BTBD16: variants seen among roughly 807,000 people sequenced by gnomAD.
BTBD16 encodes the protein BTB domain containing 16.
In BTBD16, 66 loss-of-function variants were observed where a neutral mutation model predicts 67.4. The observed-to-expected ratio is 0.98, with a 90% CI of 0.80 to 1.20. BTBD16 has a LOEUF of 1.20. BTBD16 is among the 50% of genes most tolerant of loss of function. The probability of loss-of-function intolerance (pLI) is 0.00; values close to 1 mark genes in which losing one functional copy is unlikely to be tolerated. For missense variants in BTBD16, 634 were observed against 616.0 expected, an observed-to-expected ratio of 1.03 and a Z score of -0.31; for synonymous variants, 242 against 236.4, an observed-to-expected ratio of 1.02 and a Z score of -0.22.
Position 122,336,536 on chromosome 10 carries a change from G to A in BTBD16, c.1306G>A (p.Glu436Lys), listed in dbSNP as rs1001364113. The A allele has an allele frequency of 3.7e-6, 6 of 1,612,180 alleles. No homozygotes were observed. The highest frequency in any genetic ancestry group is 1.6e-4 in the Middle Eastern group (1 of 6,080). Residue 436 changes from glutamate (E) to lysine (K), a missense_variant, in exon 15 of 16, where the codon GAG (glutamate) becomes AAG (lysine). Physicochemically the swap from Glu to Lys is moderately conservative, Grantham distance 56. Transcript: ENST00000260723. ...CCTGGAATCTCCCTCTGCGGTCTAC[G>A]AGCACAACCACGTCAGCCTGCGAGC... ...TDLESPSAVY[E>K]HNHVSLRAAR...
chr10:122,336,376 TG>T (rs2096463220), intron 14 of BTBD16, 117 bp from the exon 15 acceptor site: 2 of 855,052 alleles, frequency 2.3e-6, no homozygotes, highest in Non-Finnish European at 3.4e-6. Context: ...AATTGGGAAA[TG>T]CCCTCTTGCT....
In BTBD16 at chr10:122,287,578, G is replaced by C. The variant is rs12416151; in HGVS notation, c.385+1330G>C. ...AGTTCCATGGACCGATCAAGCCATGGGATTCACGTCTTTCAATAGGAACAG... is the reference window on the plus strand; with the variant it reads ...AGTTCCATGGACCGATCAAGCCATGCGATTCACGTCTTTCAATAGGAACAG... On this transcript the variant is annotated intron_variant, in intron 5 of 15. Transcript: ENST00000260723. 4.6e-3 allele frequency: 3,031 copies of C among 655,704 alleles called. 87 individuals are homozygous for C. The African/African-American group carries it at 0.054, about 12-fold the overall frequency. The allele number at this position is 655,704 out of a possible 1,614,324, so 40.6% of individuals were successfully genotyped here.
intron 2 of BTBD16, 113 bp downstream of exon 2, chr10:122,275,212 A>G (rs2096337907): frequency 2.9e-6 from 3 of 1,043,918 alleles, no homozygotes; most frequent in Admixed American, 3.7e-5. Context: ...GACCTCAAGC[A>G]TTATTGGCTG....
chr10:122,272,086 C>A (rs1358981495), intron 1 of BTBD16, among the ~76,000 whole-genome samples: 1 of 152,146 alleles, frequency 6.6e-6, no homozygotes. Context: ...AGTTCATCAT[C>A]CTGGCTCCTG....
rs552106416 is a variant in BTBD16, at chr10:122,307,459, G to A, written c.911+151G>A. 9 of 762,880 alleles carry A rather than the reference G, an allele frequency of 1.2e-5. No homozygotes were observed. In the South Asian group the frequency reaches 2.2e-4, roughly 19 times the overall value. 47.3% of individuals were successfully genotyped at this position (762,880 alleles called of 1,614,324 possible). A position where few individuals can be genotyped will look rare whatever the true frequency, so the allele number is the denominator to read the frequency against. ...TTTTTTAATAGGGCCTAAGATTATA[G>A]GATGCTTTCAAACCACCAAATTACC... On this transcript the variant is annotated intron_variant, in intron 10 of 15. Coordinates refer to ENST00000260723, the MANE Select transcript of BTBD16 (RefSeq NM_144587.5).
Position 122,299,097 on chromosome 10 carries a change from C to G in BTBD16, c.754C>G (p.Pro252Ala), listed in dbSNP as rs576366358. The change falls in exon 9 of 16, where the codon CCA becomes GCA. Residue 252 changes from proline to alanine, a missense_variant. Transcript: ENST00000260723. ...GACGCAGATCCACCTCCACAAAATC[C>G]CACAGGACCTGCTCCACAAAGTGCT... ...GGTQIHLHKI[P>A]QDLLHKVLKS... 1 of 1,614,004 alleles carries G rather than the reference C, an allele frequency of 6.2e-7. No homozygotes were observed. The highest frequency in any genetic ancestry group is 1.7e-5 in the Admixed American group (1 of 59,990).
At chr10:122,331,442 C>A in intron 12 of BTBD16, 184 bp downstream of exon 12, 2 of 554,768 alleles carry the variant, frequency 3.6e-6, no homozygotes, top group Non-Finnish European at 4.6e-6. Flanking sequence ...GGAGACCCAG[C>A]CTTGGAATCC....
chr10:122,277,049 C>G, intron 3 of BTBD16, 110 bp downstream of exon 3: 1 of 1,303,934 alleles, frequency 7.7e-7, no homozygotes, highest in Non-Finnish European at 1.0e-6. Flanking sequence ...AAGGGCACAT[C>G]TGCAAGGAAG....
intron 1 of BTBD16, among the ~76,000 whole-genome samples, chr10:122,272,424 C>T (rs540483110): frequency 1.7e-4 from 26 of 152,332 alleles, no homozygotes; most frequent in Admixed American, 1.6e-3. Context: ...TCACTGCAAC[C>T]TCCACCTCCA....
intron 7 of BTBD16, chr10:122,295,333 C>G: frequency 1.0e-6 from 1 of 985,378 alleles, no homozygotes; most frequent in East Asian, 1.1e-4. Flanking sequence ...CAGGGTGGAG[C>G]AGCATCAAAC....
chr10:122,328,911 C>T (rs2096450092), intron 10 of BTBD16: 1 of 812,756 alleles, frequency 1.2e-6, no homozygotes, highest in African/African-American at 1.9e-5. Context: ...GATCCTGAAA[C>T]CAGCTGCTAA....
At position 122,297,833 on chromosome 10, in the gene BTBD16, G is replaced by A. The variant is rs2096386276; in HGVS notation, c.656G>A (p.Cys219Tyr). 1 of 1,613,972 alleles carries A rather than the reference G, an allele frequency of 6.2e-7. No individual in the cohort carries two copies. The highest frequency in any genetic ancestry group is 1.7e-5 in the Admixed American group (1 of 60,010). ...ATCAAGAAATTCTACGAGGCCGGCT[G>A]CAAGGTGAGAACAACCCAGACGGGG... ...STIKKFYEAG[C>Y]KYKEEQLTTG... The change falls in exon 8 of 16, where the codon TGC becomes TAC. Residue 219 changes from cysteine (C) to tyrosine (Y), a missense_variant. Physicochemically the swap from Cys to Tyr is radical, Grantham distance 194 (BLOSUM62 -2). Coordinates refer to ENST00000260723, the MANE Select transcript of BTBD16 (RefSeq NM_144587.5).
intron 6 of BTBD16, 101 bp downstream of exon 6, chr10:122,290,099 T>A: frequency 1.3e-6 from 1 of 783,848 alleles, no homozygotes; most frequent in Non-Finnish European, 2.1e-6. Context: ...AAACCAACAG[T>A]AGACAGTGTT....
chr10:122,314,869 T>A (rs1225435570), intron 10 of BTBD16, among the ~76,000 whole-genome samples: 6 of 152,194 alleles, frequency 3.9e-5, no homozygotes, highest in African/African-American at 1.4e-4. Flanking sequence ...TTGCACTAGG[T>A]AGACTCTCCA....
intron 3 of BTBD16, among the ~76,000 whole-genome samples, chr10:122,280,413 A>G (rs1314576359): frequency 6.6e-6 from 1 of 152,072 alleles, no homozygotes; most frequent in East Asian, 1.9e-4. Flanking sequence ...TTGTGGCCCT[A>G]GGAAAGACCC....
At chr10:122,329,897 C>T (rs896341597) in intron 11 of BTBD16, among the ~76,000 whole-genome samples, 5 of 152,176 alleles carry the variant, frequency 3.3e-5, no homozygotes, top group Non-Finnish European at 7.3e-5. Context: ...TGCTTCACTT[C>T]TAGGCCCCTT....
chr10:122,318,250 C>T (rs893489380), intron 10 of BTBD16, among the ~76,000 whole-genome samples: 2 of 152,094 alleles, frequency 1.3e-5, no homozygotes, highest in African/African-American at 4.8e-5. Context: ...GTCTGTACTC[C>T]TTTTTTTCTG....
At chr10:122,289,822 T>C in intron 5 of BTBD16, 87 bp from the exon 6 acceptor site, 1 of 796,636 alleles carries the variant, frequency 1.3e-6, no homozygotes, top group East Asian at 2.5e-5. Flanking sequence ...TGATACCTCA[T>C]GGTCATGCCA....
intron 1 of BTBD16, among the ~76,000 whole-genome samples, chr10:122,274,396 T>C (rs2096335845): frequency 6.6e-6 from 1 of 152,188 alleles, no homozygotes; most frequent in Non-Finnish European, 1.5e-5. Flanking sequence ...GCCACCCAGG[T>C]CCCTGCAGCT....
Sources: gnomAD v4.1 joint callset for allele counts (sites outside exome capture counted in the v4.1 genomes callset) on GRCh38, gnomAD v4.1.1 for gene constraint, MANE v1.5 for transcripts, NCBI Gene and HGNC (gene_info 2026-07-23, HGNC 2026-07-21) for gene names.